Variants in ITPR1 observed in about 807,000 individuals in gnomAD.
ITPR1 encodes the protein inositol 1,4,5-trisphosphate receptor type 1.
A neutral mutation model predicts 318.4 loss-of-function variants in ITPR1; 96 were observed. That is an observed-to-expected ratio of 0.30 (90% CI 0.26 to 0.36). The LOEUF (loss-of-function observed/expected upper bound fraction) is 0.36. ITPR1 is among the 10% of genes least tolerant of loss of function. The probability of loss-of-function intolerance (pLI) is 1.00; values close to 1 mark genes in which losing one functional copy is unlikely to be tolerated. For synonymous variants in ITPR1, 1,312 were observed against 1,289.9 expected, an observed-to-expected ratio of 1.02 and a Z score of -0.37; for missense variants, 2,440 against 3,460.2, an observed-to-expected ratio of 0.71 and a Z score of 7.40.
chr3:4,675,269 A>C (rs921665181), intron 23 of ITPR1, 21 bp downstream of exon 23: 2 of 1,583,894 alleles, frequency 1.3e-6, no homozygotes, highest in African/African-American at 2.7e-5. Flanking sequence ...GAGGGTGCCC[A>C]TACATCTGAG....
At chr3:4,546,660 T>G (rs1311080162) in intron 4 of ITPR1, among the ~76,000 whole-genome samples, 1 of 152,130 alleles carries the variant, frequency 6.6e-6, no homozygotes, top group Non-Finnish European at 1.5e-5. Context: ...TTAAACAGGT[T>G]GTGAATCTGT....
chr3:4,777,905 G>T (rs974061008), intron 48 of ITPR1, among the ~76,000 whole-genome samples: 10 of 152,128 alleles, frequency 6.6e-5, no homozygotes, highest in Non-Finnish European at 2.9e-5. Context: ...TTAAAATAAG[G>T]AAAATTACAC....
intron 60 of ITPR1, 88 bp from the exon 61 acceptor site, chr3:4,836,686 G>A (rs1228710373): frequency 5.8e-6 from 7 of 1,215,856 alleles, no homozygotes; most frequent in Non-Finnish European, 7.3e-6. Context: ...TAGGAAACAT[G>A]GCACGGTAAG....
intron 3 of ITPR1, among the ~76,000 whole-genome samples, chr3:4,519,298 C>T (rs1382231074): frequency 6.6e-6 from 1 of 152,146 alleles, no homozygotes; most frequent in Non-Finnish European, 1.5e-5. Context: ...ACGATCTTGG[C>T]TCACTGCACC....
chr3:4,842,782 A>G (rs1195644639), intron 61 of ITPR1, among the ~76,000 whole-genome samples: 2 of 152,204 alleles, frequency 1.3e-5, no homozygotes, highest in African/African-American at 4.8e-5. Flanking sequence ...ATTTTGTTTC[A>G]GATGTCCAGA....
chr3:4,822,709 G>A (rs1057444543), intron 60 of ITPR1, among the ~76,000 whole-genome samples: 1 of 152,160 alleles, frequency 6.6e-6, no homozygotes, highest in Non-Finnish European at 1.5e-5. Context: ...CCTGATGGAA[G>A]GCGATGCTGT....
At chr3:4,811,539 T>C in intron 56 of ITPR1, 79 bp downstream of exon 56, 1 of 1,176,640 alleles carries the variant, frequency 8.5e-7, no homozygotes, top group Non-Finnish European at 1.2e-6. Context: ...AAATAACGAC[T>C]TTAGTAATGC....
chr3:4,680,651 C>G lies in ITPR1; in HGVS notation c.3066C>G (p.Ser1022=), dbSNP rs541386070. The change falls in exon 25 of 62, where the codon TCC becomes TCG. Residue 1022 remains serine (S), a synonymous_variant. Coordinates refer to ENST00000649015, the MANE Select transcript of ITPR1 (RefSeq NM_001378452.1). ...DESNSQTSET[S]SGNSSQEGPS... is the part of the protein sequence containing the mutation. Reference sequence around the variant, plus strand: ...GCAATTCCCAGACTTCAGAAACATCCTCCGGAAACAGCAGCCAAGAAGGGC... The same window carrying G: ...GCAATTCCCAGACTTCAGAAACATCGTCCGGAAACAGCAGCCAAGAAGGGC... 1.2e-6 allele frequency: 2 copies of G among 1,613,688 alleles called. No individual in the cohort carries two copies. Among genetic ancestry groups the G allele is most frequent in the South Asian group, 2.2e-5 (2 of 91,056 alleles).
chr3:4,800,146 G>A (rs1005190730), intron 53 of ITPR1: 3 of 444,018 alleles, frequency 6.8e-6, no homozygotes, highest in African/African-American at 6.2e-5. Flanking sequence ...GGGAGGAAGG[G>A]GATTGGGGGA....
chr3:4,681,584 G>C (rs2094298845), intron 26 of ITPR1, among the ~76,000 whole-genome samples, 166 bp downstream of exon 26: 1 of 148,956 alleles, frequency 6.7e-6, no homozygotes, highest in Non-Finnish European at 1.5e-5. Context: ...TGGTTGGCTT[G>C]ATTGGGAGGA....
intron 51 of ITPR1, among the ~76,000 whole-genome samples, chr3:4,785,608 G>A (rs1026990629): frequency 1.3e-5 from 2 of 152,112 alleles, no homozygotes; most frequent in Admixed American, 1.3e-4. Flanking sequence ...TTGACTGAAG[G>A]GCCAGCTCTG....
At position 4,675,226 on chromosome 3, in the gene ITPR1, CAAT is replaced by C. The variant is rs768093435; in HGVS notation, c.2758_2760del (p.Asn920del). The C allele has an allele frequency of 6.2e-6, 10 of 1,610,990 alleles. No individual in the cohort carries two copies. Among genetic ancestry groups the C allele is most frequent in the African/African-American group, 1.3e-5 (1 of 74,740 alleles). On this transcript the variant is annotated inframe_deletion, in exon 23 of 62. Transcript: ENST00000649015. ...CGAAAGGAGAAGAGAATAAAGGTAA[CAAT>C]GATGTGGAGAAGCTGAAGAGTGAGT...
chr3:4,512,597 A>G (rs1030852041), intron 2 of ITPR1, among the ~76,000 whole-genome samples: 2 of 152,174 alleles, frequency 1.3e-5, no homozygotes, highest in Non-Finnish European at 2.9e-5. Context: ...GATTTTTTAA[A>G]CAGGGGATCC....
chr3:4,835,559 C>T (rs1317001309), intron 60 of ITPR1, among the ~76,000 whole-genome samples: 4 of 149,844 alleles, frequency 2.7e-5, no homozygotes, highest in Non-Finnish European at 4.5e-5. Context: ...TCCAGCATTC[C>T]GAGTGAGTGT....
chr3:4,788,248 T>A (rs2047330132), intron 52 of ITPR1, 109 bp downstream of exon 52: 5 of 872,704 alleles, frequency 5.7e-6, no homozygotes, highest in East Asian at 2.7e-5. Context: ...CTAGTATCAT[T>A]TATGATACTT....
At chr3:4,496,394 A>C (rs576368236) in intron 2 of ITPR1, among the ~76,000 whole-genome samples, 1 of 152,314 alleles carries the variant, frequency 6.6e-6, no homozygotes, top group East Asian at 1.9e-4. Context: ...TCAGAACAGA[A>C]AATCCTTTCA....
At position 4,831,118 on chromosome 3, in the gene ITPR1, C is replaced by A. The variant is rs185207010; in HGVS notation, c.8029-5656C>A. ...TCTGTCTGTCTTTGTCTCTCTCTCT[C>A]TCTCTCTCTCTCTCACACACACACA... is the stretch of plus-strand genomic sequence containing the variant. On this transcript the variant is annotated intron_variant, in intron 60 of 61. Transcript: ENST00000649015. The A allele has an allele frequency of 1.2e-4, 42 of 347,208 alleles. No individual in the cohort carries two copies. The African/African-American group carries it at 1.4e-3, about 11-fold the overall frequency. The allele number at this position is 347,208 out of a possible 1,614,324, so 21.5% of individuals were successfully genotyped here. A position where few individuals can be genotyped will look rare whatever the true frequency, so the allele number is the denominator to read the frequency against.
chr3:4,835,569 T>A (rs769565043), intron 60 of ITPR1, among the ~76,000 whole-genome samples: 71 of 151,390 alleles, frequency 4.7e-4, no homozygotes, highest in Middle Eastern at 3.4e-3. Flanking sequence ...CGAGTGAGTG[T>A]GTGTGTGTGT....
chr3:4,644,033 G>T, intron 7 of ITPR1, 103 bp from the exon 8 acceptor site: 1 of 727,294 alleles, frequency 1.4e-6, no homozygotes, highest in Non-Finnish European at 2.5e-6. Context: ...GATAGGCCTT[G>T]CCTTCTTCAG....
Sources: allele counts gnomAD v4.1 joint callset (sites outside exome capture counted in the v4.1 genomes callset), GRCh38; gene constraint gnomAD v4.1.1; transcripts MANE v1.5; gene names NCBI Gene and HGNC (gene_info 2026-07-23, HGNC 2026-07-21).